The following RANBP2 variants were observed in gnomAD, a reference collection of about 807,000 sequenced individuals.
RANBP2 encodes E3 SUMO-protein ligase RanBP2.
A neutral mutation model predicts 303.6 loss-of-function variants in RANBP2; 57 were observed. The observed-to-expected ratio is 0.19, with a 90% CI of 0.15 to 0.23. The LOEUF is 0.23. RANBP2 is among the 10% of genes least tolerant of loss of function. RANBP2 has a pLI of 1.00. For missense variants in RANBP2, 3,138 were observed against 3,780.8 expected (o/e 0.83, Z 4.46); for synonymous variants, 1,167 against 1,301.5 (o/e 0.90, Z 2.23).
chr2:109,758,205 T>C, the RANBP2 span, among the ~76,000 whole-genome samples: 3 of 9,252 alleles, frequency 3.2e-4, no homozygotes, highest in Non-Finnish European at 4.1e-4. Context: ...GTCAGGAGTT[T>C]GAGACCAGCC....
At chr2:109,094,847 A>T in the RANBP2 span, among the ~76,000 whole-genome samples, 3 of 152,182 alleles carry the variant, frequency 2.0e-5, no homozygotes, top group Non-Finnish European at 4.4e-5. Context: ...ACAAACAAAC[A>T]AACAAAAAAA....
At chr2:109,495,505 T>C in the RANBP2 span, among the ~76,000 whole-genome samples, 1 of 84,106 alleles carries the variant, frequency 1.2e-5, no homozygotes, top group South Asian at 4.0e-4. Flanking sequence ...TTTTTTTTTT[T>C]TTTTGAGACA....
At chr2:109,505,658 C>G in the RANBP2 span, among the ~76,000 whole-genome samples, 1 of 152,202 alleles carries the variant, frequency 6.6e-6, no homozygotes, top group East Asian at 1.9e-4. Flanking sequence ...GGATACCACT[C>G]TTGCCTCCAT....
the RANBP2 span, among the ~76,000 whole-genome samples, chr2:109,720,215 C>A: frequency 0.73 from 110,981 of 152,016 alleles, 44,339 homozygotes; most frequent in East Asian, 0.97. Flanking sequence ...CTTGTGTAAC[C>A]TTCTGATCAT....
the RANBP2 span, among the ~76,000 whole-genome samples, chr2:108,966,461 C>T: frequency 6.6e-6 from 1 of 152,336 alleles, no homozygotes; most frequent in Non-Finnish European, 1.5e-5. Flanking sequence ...AGGCCTATGC[C>T]TCATCTCGCG....
At chr2:109,062,698 T>C in the RANBP2 span, among the ~76,000 whole-genome samples, 35 of 152,128 alleles carry the variant, frequency 2.3e-4, no homozygotes, top group Non-Finnish European at 4.4e-4. Context: ...CGAATCCTCA[T>C]GGACAGTGCC....
the RANBP2 span, chr2:109,437,046 G>GGCCCAC: frequency 3.7e-4 from 600 of 1,613,796 alleles, 3 homozygotes; most frequent in African/African-American, 7.0e-3. Context: ...CCACTCCCCA[G>GGCCCAC]GCCCACGCCC....
intron 1 of RANBP2, among the ~76,000 whole-genome samples, chr2:108,723,287 T>TC: frequency 6.6e-6 from 1 of 151,458 alleles, no homozygotes; most frequent in South Asian, 2.1e-4. Flanking sequence ...TCTTTTCTTT[T>TC]TTTTTTTTTT....
the RANBP2 span, among the ~76,000 whole-genome samples, chr2:108,944,760 C>T: frequency 5.9e-5 from 9 of 152,268 alleles, no homozygotes; most frequent in African/African-American, 1.4e-4. Flanking sequence ...GGCACAGAGC[C>T]GGTCCCAGAC....
the RANBP2 span, among the ~76,000 whole-genome samples, chr2:109,137,207 T>A: frequency 1.3e-5 from 2 of 152,264 alleles, no homozygotes; most frequent in Non-Finnish European, 2.9e-5. Flanking sequence ...GATTTGGGGC[T>A]TAGTGAGTTT....
At chr2:108,908,052 G>T in the RANBP2 span, 47 of 1,580,182 alleles carry the variant, frequency 3.0e-5, no homozygotes, top group Non-Finnish European at 3.9e-5. Flanking sequence ...CATTAGCAGT[G>T]CCTGGGGGGG....
At chr2:109,525,253 C>T in the RANBP2 span, among the ~76,000 whole-genome samples, 2,909 of 152,172 alleles carry the variant, frequency 0.019, 94 homozygotes, top group African/African-American at 0.067. Context: ...CTCCCGGGTT[C>T]GAGAGATTCT....
intron 9 of RANBP2, 45 bp from the exon 10 acceptor site, chr2:108,751,219 G>A (rs781598779): frequency 3.7e-6 from 6 of 1,611,600 alleles, no homozygotes; most frequent in Admixed American, 3.3e-5. Context: ...AATGGCACAA[G>A]GAAAAATTTC....
the RANBP2 span, among the ~76,000 whole-genome samples, chr2:109,206,532 A>T: frequency 7.2e-6 from 1 of 138,874 alleles, no homozygotes; most frequent in Non-Finnish European, 1.5e-5. Context: ...GAGGAGGCTG[A>T]GTGTGGTGGC....
At chr2:109,737,735 TTTG>T in the RANBP2 span, among the ~76,000 whole-genome samples, 3 of 152,140 alleles carry the variant, frequency 2.0e-5, no homozygotes, top group African/African-American at 7.2e-5. Flanking sequence ...CTCTCCAGTA[TTTG>T]TTATTTTTTT....
intron 1 of RANBP2, among the ~76,000 whole-genome samples, chr2:108,720,742 T>C (rs1423622324): frequency 6.6e-6 from 1 of 152,184 alleles, no homozygotes; most frequent in Non-Finnish European, 1.5e-5. Flanking sequence ...TCACTTTTTA[T>C]TGTTGATGTT....
chr2:109,200,940 C>T, the RANBP2 span, among the ~76,000 whole-genome samples: 20 of 152,296 alleles, frequency 1.3e-4, no homozygotes, highest in African/African-American at 2.6e-4. Context: ...GTGCAGACCT[C>T]GCAGTGGCCC....
At chr2:109,711,837 C>T in the RANBP2 span, among the ~76,000 whole-genome samples, 2 of 152,062 alleles carry the variant, frequency 1.3e-5, no homozygotes, top group African/African-American at 2.4e-5. Context: ...TGAAAGTGTC[C>T]GTTGTGTGTT....
At chr2:109,266,035 T>A in the RANBP2 span, among the ~76,000 whole-genome samples, 1 of 152,018 alleles carries the variant, frequency 6.6e-6, no homozygotes, top group Non-Finnish European at 1.5e-5. Context: ...TATATGTGTA[T>A]TCGGTGTGTT....
Sources: gnomAD v4.1 joint callset for allele counts (sites outside exome capture counted in the v4.1 genomes callset) on GRCh38, gnomAD v4.1.1 for gene constraint, MANE v1.5 for transcripts, NCBI Gene and HGNC (gene_info 2026-07-23, HGNC 2026-07-21) for gene names.